The following MAP4K4 variants were observed in gnomAD, a reference collection of about 807,000 sequenced individuals.
MAP4K4 encodes mitogen-activated protein kinase kinase kinase kinase 4.
In MAP4K4, 38 loss-of-function variants were observed where a neutral mutation model predicts 189.6. The observed-to-expected ratio is 0.20, with a 90% CI of 0.15 to 0.26. The LOEUF (loss-of-function observed/expected upper bound fraction) is 0.26. Among genes scored for constraint, MAP4K4 ranks in the 10% least tolerant of loss-of-function variants. The pLI, the probability that MAP4K4 is intolerant of heterozygous loss-of-function variation, is 1.00. For missense variants in MAP4K4, 1,054 were observed against 1,726.9 expected (o/e 0.61, Z 6.91); for synonymous variants, 610 against 624.3 (o/e 0.98, Z 0.34).
chr2:101,776,600 T>G (rs2150450926), intron 2 of MAP4K4, among the ~76,000 whole-genome samples: 1 of 91,452 alleles, frequency 1.1e-5, no homozygotes, highest in African/African-American at 4.4e-5. Context: ...AAAAAAACAC[T>G]ATGGAAAATG....
At chr2:101,799,147 G>A (rs2094115935) in intron 3 of MAP4K4, among the ~76,000 whole-genome samples, 11 of 152,130 alleles carry the variant, frequency 7.2e-5, no homozygotes, top group Admixed American at 7.2e-4. Context: ...TCATTATTTA[G>A]TAGTCATATC....
intron 11 of MAP4K4, among the ~76,000 whole-genome samples, chr2:101,843,382 CTCTT>C (rs1267786300): frequency 1.3e-5 from 2 of 152,174 alleles, no homozygotes; most frequent in African/African-American, 4.8e-5. Context: ...TGCATAATCT[CTCTT>C]TCTTCTTATG....
At chr2:101,834,282 T>C (rs2096678836) in intron 7 of MAP4K4, 127 bp from the exon 8 acceptor site, 1 of 538,660 alleles carries the variant, frequency 1.9e-6, no homozygotes, top group African/African-American at 2.0e-5. Context: ...CAAATGTGCT[T>C]GTACTTTTAA....
chr2:101,754,110 C>T (rs2070847868), intron 2 of MAP4K4, among the ~76,000 whole-genome samples: 2 of 152,084 alleles, frequency 1.3e-5, no homozygotes, highest in Admixed American at 6.6e-5. Context: ...CAGTGTTAGA[C>T]ACTAGTTAAT....
At chr2:101,823,255 G>A (rs938014726) in intron 3 of MAP4K4, among the ~76,000 whole-genome samples, 1 of 152,094 alleles carries the variant, frequency 6.6e-6, no homozygotes, top group South Asian at 2.1e-4. Flanking sequence ...TTCTTCCTCT[G>A]CTCATCTTAT....
intron 25 of MAP4K4, 85 bp from the exon 26 acceptor site, chr2:101,873,997 A>G (rs971252408): frequency 1.3e-5 from 16 of 1,185,616 alleles, no homozygotes; most frequent in Non-Finnish European, 2.4e-6. Flanking sequence ...TACCACATGA[A>G]TATTTACTTG....
chr2:101,873,656 G>A (rs1443702115), exon 25 of MAP4K4: 9 of 1,589,250 alleles, frequency 5.7e-6, no homozygotes, highest in East Asian at 2.2e-5. Context: ...GACTCAGTCC[G>A]CTAGTAGCAC....
chr2:101,829,851 C>CT (rs2096539235), intron 6 of MAP4K4: 2 of 341,738 alleles, frequency 5.9e-6, no homozygotes, highest in South Asian at 8.7e-5. Context: ...CACTTTCCTG[C>CT]TTAAAGAACC....
At chr2:101,711,390 G>A (rs760262702) in intron 2 of MAP4K4, among the ~76,000 whole-genome samples, 1 of 152,076 alleles carries the variant, frequency 6.6e-6, no homozygotes, top group Non-Finnish European at 1.5e-5. Context: ...ATGTAGCTGG[G>A]ATTACAGGCA....
chr2:101,708,776 G>C (rs1270570491), intron 2 of MAP4K4, among the ~76,000 whole-genome samples: 1 of 152,162 alleles, frequency 6.6e-6, no homozygotes, highest in African/African-American at 2.4e-5. Context: ...GTTAATCCCT[G>C]TTCCAACCCA....
At chr2:101,860,689 A>G in intron 15 of MAP4K4, 136 bp from the exon 16 acceptor site, 1 of 684,734 alleles carries the variant, frequency 1.5e-6, no homozygotes, top group Non-Finnish European at 2.4e-6. Context: ...TCTTTTTTCC[A>G]GCTACCCCTC....
chr2:101,728,464 A>G (rs2056730403), intron 2 of MAP4K4, among the ~76,000 whole-genome samples: 1 of 152,182 alleles, frequency 6.6e-6, no homozygotes, highest in Admixed American at 6.5e-5. Context: ...AACCTATAGT[A>G]AAGTTGAGAG....
intron 29 of MAP4K4, among the ~76,000 whole-genome samples, chr2:101,886,384 C>CT (rs377185134): frequency 0.61 from 92,474 of 152,002 alleles, 29,913 homozygotes; most frequent in African/African-American, 0.84. Context: ...AATTAGAGAC[C>CT]TTATGCTACT....
intron 27 of MAP4K4, among the ~76,000 whole-genome samples, chr2:101,879,880 A>G (rs1438402411): frequency 3.6e-5 from 4 of 110,826 alleles, no homozygotes; most frequent in Non-Finnish European, 5.9e-5. Context: ...TTTTTTCAGT[A>G]TTTTGCAGTT....
intron 2 of MAP4K4, among the ~76,000 whole-genome samples, chr2:101,744,569 G>A (rs1012197216): frequency 3.3e-5 from 5 of 152,072 alleles, no homozygotes; most frequent in Non-Finnish European, 5.9e-5. Context: ...AGAGGCCTGA[G>A]CCAGTCTGTG....
At chr2:101,762,333 AATCC>A (rs2150193809) in intron 2 of MAP4K4, among the ~76,000 whole-genome samples, 1 of 152,292 alleles carries the variant, frequency 6.6e-6, no homozygotes, top group South Asian at 2.1e-4. Context: ...TGTGGTGACA[AATCC>A]ATGCCTGGCA....
chr2:101,699,012 C>A (rs2036504515), intron 2 of MAP4K4, among the ~76,000 whole-genome samples: 1 of 152,120 alleles, frequency 6.6e-6, no homozygotes, highest in South Asian at 2.1e-4. Context: ...TTGGCGTTAC[C>A]TGGGAATACT....
At chr2:101,887,321 C>A in intron 30 of MAP4K4, 84 bp downstream of exon 30, 1 of 1,346,244 alleles carries the variant, frequency 7.4e-7, no homozygotes, top group Non-Finnish European at 1.0e-6. Context: ...AGTGAACTAA[C>A]ACAAGCAGGG....
chr2:101,716,258 A>G (rs1000034096), intron 2 of MAP4K4, among the ~76,000 whole-genome samples: 1 of 152,172 alleles, frequency 6.6e-6, no homozygotes, highest in Non-Finnish European at 1.5e-5. Flanking sequence ...CCTGGCTAAC[A>G]CGGTGAAACG....
Sources: allele counts gnomAD v4.1 joint callset (sites outside exome capture counted in the v4.1 genomes callset), GRCh38; gene constraint gnomAD v4.1.1; transcripts MANE v1.5; gene names NCBI Gene and HGNC (gene_info 2026-07-23, HGNC 2026-07-21).